Variants in GRM1 observed in about 807,000 individuals in gnomAD.
GRM1 encodes the protein glutamate metabotropic receptor 1.
GRM1 carries 33 observed loss-of-function variants against 90.9 expected under a neutral mutation model. That is an observed-to-expected ratio of 0.36 (90% CI 0.28 to 0.49). GRM1 has a LOEUF of 0.49. GRM1 is among the 20% of genes least tolerant of loss of function. GRM1 has a pLI of 0.99. For missense variants in GRM1, 1,190 were observed against 1,534.3 expected, an observed-to-expected ratio of 0.78 and a Z score of 3.75; for synonymous variants, 700 against 613.2, an observed-to-expected ratio of 1.14 and a Z score of -2.09.
chr6:146,150,938 G>GCACACAAACA (rs1554273701), intron 1 of GRM1, among the ~76,000 whole-genome samples: 1 of 150,708 alleles, frequency 6.6e-6, no homozygotes, highest in Non-Finnish European at 1.5e-5. Flanking sequence ...GCGTGTGCGC[G>GCACACAAACA]CACACACACA....
intron 1 of GRM1, among the ~76,000 whole-genome samples, chr6:146,037,697 A>G (rs554625462): frequency 6.6e-6 from 1 of 152,076 alleles, no homozygotes; most frequent in East Asian, 1.9e-4. Flanking sequence ...TGTCCCACCA[A>G]TACCTATCCT....
intron 2 of GRM1, among the ~76,000 whole-genome samples, chr6:146,176,325 G>C (rs1050383783): frequency 6.6e-6 from 1 of 152,042 alleles, no homozygotes; most frequent in Non-Finnish European, 1.5e-5. Flanking sequence ...GAAATTTATT[G>C]ATGTACTTGA....
chr6:146,190,920 G>C (rs1040436313), intron 2 of GRM1, among the ~76,000 whole-genome samples: 2 of 152,234 alleles, frequency 1.3e-5, no homozygotes, highest in African/African-American at 4.8e-5. Flanking sequence ...GCTGATTTTA[G>C]TCTTTGGGAT....
intron 3 of GRM1, among the ~76,000 whole-genome samples, chr6:146,321,562 G>A (rs908262311): frequency 2.0e-5 from 3 of 151,940 alleles, no homozygotes; most frequent in African/African-American, 7.3e-5. Context: ...AATATTGACA[G>A]TGGGGTGTTA....
Position 146,398,657 on chromosome 6 carries a change from G to C in GRM1, c.1730-112G>C, listed in dbSNP as rs966398121. ...GTGCATTTTTAAAAAAGCATTAAAT[G>C]CTGTAAATCATGAAGGATGCAAAGA... On this transcript the variant is annotated intron_variant, in intron 6 of 7. Coordinates refer to ENST00000282753, the MANE Select transcript of GRM1 (RefSeq NM_001278064.2). The C allele has an allele frequency of 8.6e-6, 7 of 814,890 alleles. No homozygotes were observed. The East Asian group carries it at 1.5e-4, about 17-fold the overall frequency. The allele number at this position is 814,890 out of a possible 1,614,324, so 50.5% of individuals were successfully genotyped here.
At chr6:146,194,105 T>G (rs1036921347) in intron 2 of GRM1, among the ~76,000 whole-genome samples, 2 of 152,210 alleles carry the variant, frequency 1.3e-5, no homozygotes, top group African/African-American at 4.8e-5. Context: ...CTTCTCAATG[T>G]TTTAATTTGC....
At chr6:146,202,328 A>G (rs1283707534) in intron 2 of GRM1, among the ~76,000 whole-genome samples, 1 of 152,104 alleles carries the variant, frequency 6.6e-6, no homozygotes, top group African/African-American at 2.4e-5. Context: ...CTTTTACTCT[A>G]ATTAGCAGTG....
rs574785861 is a variant in GRM1 at position 146,125,168 on chromosome 6, G to A, written c.701-34180G>A. On this transcript the variant is annotated intron_variant, in intron 1 of 7. Coordinates refer to ENST00000282753, the MANE Select transcript of GRM1 (RefSeq NM_001278064.2). ...GAATTAAGCTTGAAACTATTTGCACGTTCTCTAAGAAAAAAAATGGAGTAG... is the reference window on the plus strand; with the variant it reads ...GAATTAAGCTTGAAACTATTTGCACATTCTCTAAGAAAAAAAATGGAGTAG... 3.3e-5 allele frequency among the ~76,000 whole-genome samples: 5 copies of A among 151,928 alleles called. No homozygotes were observed. In the East Asian group the frequency reaches 7.7e-4, roughly 23 times the overall value.
At chr6:146,379,689 C>A (rs1482894029) in intron 5 of GRM1, among the ~76,000 whole-genome samples, 1 of 152,138 alleles carries the variant, frequency 6.6e-6, no homozygotes, top group Non-Finnish European at 1.5e-5. Flanking sequence ...GTAGCCTTTA[C>A]TGTCTGGGCT....
At chr6:146,166,664 A>C (rs1777917982) in intron 2 of GRM1, among the ~76,000 whole-genome samples, 1 of 152,134 alleles carries the variant, frequency 6.6e-6, no homozygotes, top group African/African-American at 2.4e-5. Context: ...CAAATTGCAA[A>C]GTAGGAGCAT....
intron 3 of GRM1, among the ~76,000 whole-genome samples, chr6:146,351,380 A>T (rs1785406051): frequency 6.6e-6 from 1 of 152,166 alleles, no homozygotes; most frequent in Non-Finnish European, 1.5e-5. Context: ...GATGTTTTCC[A>T]AATATATTTT....
intron 2 of GRM1, among the ~76,000 whole-genome samples, chr6:146,196,497 G>A (rs1337656548): frequency 6.9e-6 from 1 of 144,646 alleles, no homozygotes; most frequent in Non-Finnish European, 1.5e-5. Flanking sequence ...AGTAGAGACG[G>A]GGTTTCACCA....
chr6:146,385,049 A>G (rs1386539076), intron 5 of GRM1, among the ~76,000 whole-genome samples: 3 of 152,088 alleles, frequency 2.0e-5, no homozygotes, highest in African/African-American at 4.8e-5. Flanking sequence ...CTGAAGCTTC[A>G]AAAGGCTGGG....
chr6:146,045,966 G>A (rs1291395303), intron 1 of GRM1, among the ~76,000 whole-genome samples: 2 of 151,574 alleles, frequency 1.3e-5, no homozygotes, highest in Admixed American at 1.3e-4. Context: ...TTACACTTTA[G>A]CGCCCGTGGG....
chr6:146,244,226 A>G (rs1268913669), intron 2 of GRM1, among the ~76,000 whole-genome samples: 1 of 152,118 alleles, frequency 6.6e-6, no homozygotes. Context: ...AAAGACAGGC[A>G]TAGGAAATCA....
chr6:146,419,235 C>T (rs1777902617), intron 7 of GRM1, among the ~76,000 whole-genome samples: 1 of 152,096 alleles, frequency 6.6e-6, no homozygotes, highest in Admixed American at 6.5e-5. Flanking sequence ...ATTTTACAAT[C>T]CTTGGTTTGG....
At chr6:146,031,212 T>G (rs1314577940) in intron 1 of GRM1, among the ~76,000 whole-genome samples, 1 of 152,204 alleles carries the variant, frequency 6.6e-6, no homozygotes, top group Non-Finnish European at 1.5e-5. Context: ...TGAGCTCAGC[T>G]ACTCTTAAGT....
chr6:146,277,628 C>G (rs1318086276), intron 2 of GRM1, among the ~76,000 whole-genome samples: 1 of 152,190 alleles, frequency 6.6e-6, no homozygotes, highest in African/African-American at 2.4e-5. Context: ...CACCTGGAAC[C>G]TTGCTCCTGG....
At chr6:146,167,645 G>A (rs1282530603) in intron 2 of GRM1, among the ~76,000 whole-genome samples, 2 of 152,026 alleles carry the variant, frequency 1.3e-5, no homozygotes, top group Non-Finnish European at 2.9e-5. Flanking sequence ...GACTAATAAT[G>A]TTGAGCATTT....
Sources: allele counts gnomAD v4.1 joint callset (sites outside exome capture counted in the v4.1 genomes callset), GRCh38; gene constraint gnomAD v4.1.1; transcripts MANE v1.5; gene names NCBI Gene and HGNC (gene_info 2026-07-23, HGNC 2026-07-21).